ADARB1: variants seen among roughly 807,000 people sequenced by gnomAD.
ADARB1 encodes adenosine deaminase RNA specific B1.
Under a neutral mutation model 52.4 loss-of-function variants are expected in ADARB1, and 10 were observed. The ratio of observed to expected loss-of-function variants is 0.19; its 90% confidence interval spans 0.12 to 0.32. The LOEUF (loss-of-function observed/expected upper bound fraction) is 0.32. Among genes scored for constraint, ADARB1 ranks in the 10% least tolerant of loss-of-function variants. The pLI is 1.00. For missense variants in ADARB1, 643 were observed against 922.3 expected (o/e 0.70, Z 3.92); for synonymous variants, 349 against 371.1 (o/e 0.94, Z 0.68).
At chr21:45,206,416 A>G (rs2092666178) in intron 9 of ADARB1, among the ~76,000 whole-genome samples, 1 of 152,238 alleles carries the variant, frequency 6.6e-6, no homozygotes, top group Non-Finnish European at 1.5e-5. Flanking sequence ...CATTTATAAA[A>G]GTCAGTGTAT....
At position 45,219,479 on chromosome 21, in the gene ADARB1, G is replaced by A. The variant is rs952620281; in HGVS notation, c.1748-1357G>A. 3.3e-5 allele frequency among the ~76,000 whole-genome samples: 5 copies of A among 152,136 alleles called. No individual in the cohort carries two copies. In the East Asian group the frequency reaches 5.8e-4, roughly 18 times the overall value. ...GTGGAGGTTGCAGCAAGCCAAGATC[G>A]CACCACACACTCCAGCCTGGCAACA... On this transcript the variant is annotated intron_variant, in intron 9 of 10. Transcript: ENST00000348831.
chr21:45,088,339 G>T (rs2086426753), intron 1 of ADARB1, among the ~76,000 whole-genome samples: 1 of 152,196 alleles, frequency 6.6e-6, no homozygotes, highest in Non-Finnish European at 1.5e-5. Context: ...TGGCCAAAAT[G>T]GATGGGGTGT....
chr21:45,118,238 G>A (rs2087937489), intron 1 of ADARB1, among the ~76,000 whole-genome samples: 1 of 152,176 alleles, frequency 6.6e-6, no homozygotes, highest in African/African-American at 2.4e-5. Flanking sequence ...AGCTGCCTCA[G>A]TTGCCATGGT....
chr21:45,168,884 A>G (rs1025395925), intron 2 of ADARB1, among the ~76,000 whole-genome samples: 19 of 151,996 alleles, frequency 1.3e-4, no homozygotes, highest in African/African-American at 3.9e-4. Flanking sequence ...GTGATTTTTT[A>G]TTGGAACCTG....
intron 8 of ADARB1, among the ~76,000 whole-genome samples, chr21:45,194,758 T>G (rs2092387305): frequency 6.6e-6 from 1 of 152,252 alleles, no homozygotes; most frequent in African/African-American, 2.4e-5. Context: ...TTTCATGGCT[T>G]GATAGCTCAT....
At chr21:45,144,695 A>G (rs747025640) in intron 2 of ADARB1, 9 of 447,492 alleles carry the variant, frequency 2.0e-5, no homozygotes, top group African/African-American at 4.0e-5. Context: ...GCATTGCTTC[A>G]ACTCTGGTAA....
intron 2 of ADARB1, among the ~76,000 whole-genome samples, chr21:45,166,195 A>G (rs567037020): frequency 3.9e-5 from 6 of 152,344 alleles, no homozygotes; most frequent in African/African-American, 1.4e-4. Flanking sequence ...AGAACATTAT[A>G]TTTATATATA....
At position 45,204,689 on chromosome 21, in the gene ADARB1, T is replaced by C. The variant is rs192150622; in HGVS notation, c.1700T>C (p.Ile567Thr). 1.1e-5 allele frequency: 18 copies of C among 1,613,834 alleles called. No individual in the cohort carries two copies. The Admixed American group carries it at 2.0e-4, about 18-fold the overall frequency. Residue 567 changes from isoleucine to threonine, a missense_variant, in exon 9 of 11, where the codon ATA (isoleucine) becomes ACA (threonine). Around this residue, in one of 2 missense-constraint regions of ADARB1, gnomAD observed 263 missense variants for 475.8 expected, o/e 0.55. Coordinates refer to ENST00000348831, the MANE Select transcript of ADARB1 (RefSeq NM_001112.4). The surrounding 1 kb of genome is among the most constrained non-coding windows in gnomAD (Gnocchi z 4.4). Reference protein sequence around the residue: ...SRAMYQRISNIEDLPPLYTLN... With the variant: ...SRAMYQRISNTEDLPPLYTLN... ...GCCATGTACCAGCGGATCTCCAACA[T>C]AGAGGACCTGCCACCTCTCTACACC...
chr21:45,217,590 G>A (rs1435038173), intron 9 of ADARB1, among the ~76,000 whole-genome samples: 1 of 151,920 alleles, frequency 6.6e-6, no homozygotes, highest in Non-Finnish European at 1.5e-5. Context: ...ATCTTTTAAA[G>A]GAATTTAAAT....
At chr21:45,135,893 G>A (rs2089335775) in intron 2 of ADARB1, among the ~76,000 whole-genome samples, 1 of 152,144 alleles carries the variant, frequency 6.6e-6, no homozygotes, top group Non-Finnish European at 1.5e-5. Flanking sequence ...TCTGTGATGG[G>A]GGTGGGTGAA....
chr21:45,124,906 C>T (rs2088482483), intron 1 of ADARB1, among the ~76,000 whole-genome samples: 1 of 151,968 alleles, frequency 6.6e-6, no homozygotes, highest in South Asian at 2.1e-4. Flanking sequence ...CAGGTGATTT[C>T]TCACACCTCA....
At chr21:45,183,942 C>T (rs1202867828) in intron 7 of ADARB1, among the ~76,000 whole-genome samples, 1 of 152,074 alleles carries the variant, frequency 6.6e-6, no homozygotes, top group African/African-American at 2.4e-5. Flanking sequence ...TATTTTTTTC[C>T]ATCCTTCTTT....
chr21:45,127,662 C>T (rs1044235542), intron 1 of ADARB1, among the ~76,000 whole-genome samples: 3 of 152,096 alleles, frequency 2.0e-5, no homozygotes, highest in Admixed American at 6.5e-5. Context: ...CACCTTATCC[C>T]ACACTTCACC....
chr21:45,224,653 G>A lies in ADARB1; in HGVS notation c.*2456G>A. 1 of 947,922 alleles carries A rather than the reference G, an allele frequency of 1.1e-6. No homozygotes were observed. The allele number at this position is 947,922 out of a possible 1,614,324, so 58.7% of individuals were successfully genotyped here. On this transcript the variant is annotated 3_prime_UTR_variant, in exon 11 of 11. Transcript: ENST00000348831. ...CCCTGGGCGGGGTGGCTGTCAGGGG[G>A]AACTGGGTTCCGGGAGCCCTGGGCC...
At chr21:45,190,903 C>T (rs755315404) in intron 8 of ADARB1, among the ~76,000 whole-genome samples, 1 of 152,240 alleles carries the variant, frequency 6.6e-6, no homozygotes, top group Non-Finnish European at 1.5e-5. Context: ...ACTTAGGGGG[C>T]ACCTTGCTAT....
chr21:45,222,334 G>C lies in ADARB1; in HGVS notation c.*137G>C. The C allele has an allele frequency of 7.1e-7, 1 of 1,399,108 alleles. No homozygotes were observed. Among genetic ancestry groups the C allele is most frequent in the Non-Finnish European group, 9.2e-7 (1 of 1,083,438 alleles). The allele number at this position is 1,399,108 out of a possible 1,614,324, so 86.7% of individuals were successfully genotyped here. A position where few individuals can be genotyped will look rare whatever the true frequency, so the allele number is the denominator to read the frequency against. Reference sequence around the variant, plus strand: ...ACACGGGGGACCACCAGGTGTCCACGGTTGTCCCCAGCATCTCACATCAGA... The same window carrying C: ...ACACGGGGGACCACCAGGTGTCCACCGTTGTCCCCAGCATCTCACATCAGA... On this transcript the variant is annotated 3_prime_UTR_variant, in exon 11 of 11. Transcript: ENST00000348831.
At chr21:45,075,470 A>T (rs1418541144) in intron 1 of ADARB1, among the ~76,000 whole-genome samples, 1 of 152,034 alleles carries the variant, frequency 6.6e-6, no homozygotes, top group Non-Finnish European at 1.5e-5. Context: ...TGTCCTTCCG[A>T]GGGCGCAGTG....
At chr21:45,158,027 G>A (rs938549912) in intron 2 of ADARB1, among the ~76,000 whole-genome samples, 1 of 152,188 alleles carries the variant, frequency 6.6e-6, no homozygotes, top group Non-Finnish European at 1.5e-5. Context: ...TCCAGACCTC[G>A]GGGTGATCAC....
At chr21:45,150,367 A>G (rs1470423495) in intron 2 of ADARB1, among the ~76,000 whole-genome samples, 3 of 152,230 alleles carry the variant, frequency 2.0e-5, no homozygotes, top group Non-Finnish European at 4.4e-5. Context: ...GAAATAACAA[A>G]GCAAAAATTA....
Sources: allele counts gnomAD v4.1 joint callset (sites outside exome capture counted in the v4.1 genomes callset), GRCh38; gene constraint gnomAD v4.1.1; regional missense constraint gnomAD v4.1.1; non-coding constraint Gnocchi (gnomAD v3.1); transcripts MANE v1.5; gene names NCBI Gene and HGNC (gene_info 2026-07-23, HGNC 2026-07-21).